ERO1A: variants seen among roughly 807,000 people sequenced by gnomAD.
The protein encoded by ERO1A is endoplasmic reticulum oxidoreductase 1 alpha, also known as ERO1-like protein alpha.
A neutral mutation model predicts 76.9 loss-of-function variants in ERO1A; 49 were observed. The ratio of observed to expected loss-of-function variants is 0.64; its 90% CI spans 0.51 to 0.81. ERO1A has a LOEUF of 0.81. Ranked by LOEUF, ERO1A falls within the 30% of genes least tolerant of loss-of-function variation. The probability of loss-of-function intolerance (pLI) is 0.00; values close to 1 mark genes in which losing one functional copy is unlikely to be tolerated. For synonymous variants in ERO1A, 174 were observed against 181.2 expected (o/e 0.96, Z 0.32); for missense variants, 448 against 542.1 (o/e 0.83, Z 1.72).
At chr14:52,680,263 T>C (rs2040949528) in intron 3 of ERO1A, among the ~76,000 whole-genome samples, 3 of 152,144 alleles carry the variant, frequency 2.0e-5, no homozygotes, top group Non-Finnish European at 4.4e-5. Context: ...AATAAATATA[T>C]ATTTAACATT....
intron 4 of ERO1A, 25 bp downstream of exon 4, chr14:52,678,409 C>A (rs2040874314): frequency 2.5e-6 from 4 of 1,600,772 alleles, no homozygotes; most frequent in Middle Eastern, 1.7e-4. Flanking sequence ...AGATACTGGA[C>A]ACATCAATAG....
At chr14:52,677,654 G>A (rs2040836550) in intron 4 of ERO1A, among the ~76,000 whole-genome samples, 1 of 151,172 alleles carries the variant, frequency 6.6e-6, no homozygotes, top group South Asian at 2.1e-4. Context: ...CACTTGGTCA[G>A]GAGTTTCCAC....
chr14:52,642,122 T>G lies in ERO1A; in HGVS notation c.*1448A>C, dbSNP rs2039495980. The G allele has an allele frequency of 2.0e-5, 3 of 152,244 alleles. No homozygotes were observed. Among genetic ancestry groups the G allele is most frequent in the African/African-American group, 7.2e-5 (3 of 41,466 alleles). 9.4% of individuals were successfully genotyped at this position (152,244 alleles called of 1,614,324 possible). Reference sequence around the variant, plus strand: ...CTTTTTCTCTACAATTACCATGTGATATAAATTCCTAAACCCCTTCAAATA... The same window carrying G: ...CTTTTTCTCTACAATTACCATGTGAGATAAATTCCTAAACCCCTTCAAATA... On this transcript the variant is annotated 3_prime_UTR_variant, in exon 16 of 16. Coordinates refer to ENST00000395686, the MANE Select transcript of ERO1A (RefSeq NM_014584.3).
At chr14:52,657,086 T>A (rs1401878368) in intron 11 of ERO1A, among the ~76,000 whole-genome samples, 5 of 152,154 alleles carry the variant, frequency 3.3e-5, no homozygotes, top group African/African-American at 1.2e-4. Flanking sequence ...AGTTTCTCAT[T>A]CCCATGGCAA....
chr14:52,658,176 T>A, intron 9 of ERO1A, 26 bp from the exon 10 acceptor site: 1 of 1,464,552 alleles, frequency 6.8e-7, no homozygotes, highest in South Asian at 1.2e-5. Flanking sequence ...AAATAAGTCA[T>A]AAGAATAGAA....
chr14:52,691,666 AT>A (rs2041359151), intron 1 of ERO1A, among the ~76,000 whole-genome samples: 1 of 152,188 alleles, frequency 6.6e-6, no homozygotes. Flanking sequence ...AAAAAGATCC[AT>A]TTTTGGAGTA....
Position 52,666,413 on chromosome 14 carries a change from C to T in ERO1A, c.591G>A (p.Trp197Ter). Residue 197 changes from tryptophan (W) to a stop codon, truncating the protein, a stop_gained, in exon 7 of 16, where the codon TGG (tryptophan) becomes TGA (stop). Transcript: ENST00000395686. LOFTEE classifies it high-confidence loss of function. The part of the protein sequence containing the change: ...RYTGYKGPDA[W>*]KIWNVIYEEN... ...CTTCGTAGATGACATTCCATATTTTCCAAGCATCTGGTCCCTTGTAACCAG... is the reference window on the plus strand; with the variant it reads ...CTTCGTAGATGACATTCCATATTTTTCAAGCATCTGGTCCCTTGTAACCAG... 6.2e-7 allele frequency: 1 copy of T among 1,609,242 alleles called. No homozygotes were observed. The highest frequency in any genetic ancestry group is 8.5e-7 in the Non-Finnish European group (1 of 1,178,200).
Position 52,657,935 on chromosome 14 carries a change from C to T in ERO1A, c.790G>A (p.Ala264Thr). Residue 264 changes from alanine (A) to threonine (T), a missense_variant, in exon 11 of 16, where the codon GCA (alanine) becomes ACA (threonine). Coordinates refer to ENST00000395686, the MANE Select transcript of ERO1A (RefSeq NM_014584.3). ...CACATACCTTGTAAAAGATATCTTG[C>T]ACTCAAATGCACATTAATGCTTGCA... ...LHASINVHLS[A>T]RYLLQETWLE... 1.2e-6 allele frequency: 2 copies of T among 1,608,512 alleles called. No individual in the cohort carries two copies. Among genetic ancestry groups the T allele is most frequent in the South Asian group, 2.2e-5 (2 of 89,938 alleles).
chr14:52,687,853 C>G (rs988957818), intron 1 of ERO1A, among the ~76,000 whole-genome samples: 5 of 152,082 alleles, frequency 3.3e-5, no homozygotes, highest in African/African-American at 1.2e-4. Context: ...AATAGGAGGA[C>G]CAAGGTAGGC....
At chr14:52,650,930 C>T (rs2039841172) in intron 13 of ERO1A, among the ~76,000 whole-genome samples, 1 of 152,152 alleles carries the variant, frequency 6.6e-6, no homozygotes, top group South Asian at 2.1e-4. Flanking sequence ...TGTTCTTTCC[C>T]CAGCTGCACG....
At position 52,641,669 on chromosome 14, in the gene ERO1A, C is replaced by CA. The variant is rs1383880251; in HGVS notation, c.*1900dup. The CA allele has an allele frequency of 6.6e-6, 1 of 151,776 alleles. No homozygotes were observed. The highest frequency in any genetic ancestry group is 2.4e-5 in the African/African-American group (1 of 41,308). The allele number at this position is 151,776 out of a possible 1,614,324, so 9.4% of individuals were successfully genotyped here. On this transcript the variant is annotated 3_prime_UTR_variant, in exon 16 of 16. Transcript: ENST00000395686. The stretch of plus-strand genomic sequence containing the variant: ...GCATAAGATGAGAGAGAGGGACACA[C>CA]AAAAAATGGCCATTTGAACCCACAC...
intron 2 of ERO1A, 87 bp from the exon 3 acceptor site, chr14:52,682,495 G>A (rs1336657650): frequency 1.0e-6 from 1 of 1,002,696 alleles, no homozygotes; most frequent in Non-Finnish European, 1.5e-6. Flanking sequence ...CTATAACTTG[G>A]TCATGTTATC....
rs548463607 is a variant in ERO1A at position 52,657,212 on chromosome 14, A to T, written c.808+705T>A. Among the ~76,000 whole-genome samples the T allele has an allele frequency of 5.9e-4, 90 of 152,296 alleles. No homozygotes were observed. In the South Asian group the frequency reaches 6.4e-3, roughly 11 times the overall value. On this transcript the variant is annotated intron_variant, in intron 11 of 15. Transcript: ENST00000395686. The stretch of plus-strand genomic sequence containing the variant: ...GCATATAATAAAAAGTGGACTATAA[A>T]TATGGCTGCAGAACTGCCTCCAAGC...
chr14:52,681,804 A>G (rs943807379), intron 3 of ERO1A, among the ~76,000 whole-genome samples: 22 of 151,946 alleles, frequency 1.4e-4, no homozygotes, highest in African/African-American at 5.1e-4. Flanking sequence ...CACACCCGAA[A>G]AAAGAGGGGG....
chr14:52,691,634 C>T (rs1235289944), intron 1 of ERO1A, among the ~76,000 whole-genome samples: 1 of 152,198 alleles, frequency 6.6e-6, no homozygotes, highest in Non-Finnish European at 1.5e-5. Flanking sequence ...CAGGTTAAAT[C>T]TACTAAATGC....
intron 13 of ERO1A, among the ~76,000 whole-genome samples, chr14:52,651,675 C>T (rs1322467810): frequency 6.6e-6 from 1 of 151,938 alleles, no homozygotes; most frequent in Non-Finnish European, 1.5e-5. Context: ...TTTTAATTGA[C>T]AAAAATTGTA....
intron 1 of ERO1A, among the ~76,000 whole-genome samples, chr14:52,693,634 C>T (rs142982800): frequency 3.9e-5 from 6 of 152,064 alleles, no homozygotes; most frequent in Admixed American, 1.3e-4. Context: ...AGACCACAGG[C>T]GCACACCATC....
At chr14:52,666,612 A>G in intron 6 of ERO1A, 117 bp from the exon 7 acceptor site, 1 of 961,110 alleles carries the variant, frequency 1.0e-6, no homozygotes, top group South Asian at 1.7e-5. Context: ...TGTGTCAGGA[A>G]TTTTAAAACA....
At chr14:52,644,248 G>A (rs1233970359) in intron 15 of ERO1A, among the ~76,000 whole-genome samples, 1 of 152,092 alleles carries the variant, frequency 6.6e-6, no homozygotes, top group African/African-American at 2.4e-5. Flanking sequence ...GAGTCCAGGA[G>A]TTTGAGACCA....
Sources: allele counts gnomAD v4.1 joint callset (sites outside exome capture counted in the v4.1 genomes callset), GRCh38; gene constraint gnomAD v4.1.1; transcripts MANE v1.5; gene names NCBI Gene and HGNC (gene_info 2026-07-23, HGNC 2026-07-21).